HSF2: variants seen among roughly 807,000 people sequenced by gnomAD.
The protein encoded by HSF2 is heat shock factor protein 2.
Under a neutral mutation model 65.0 loss-of-function variants are expected in HSF2, and 21 were observed. The observed-to-expected ratio is 0.32, with a 90% CI of 0.23 to 0.47. The LOEUF is 0.47. Ranked by LOEUF, HSF2 falls within the 20% of genes least tolerant of loss-of-function variation. The probability of loss-of-function intolerance (pLI) is 1.00; values close to 1 mark genes in which losing one functional copy is unlikely to be tolerated. For synonymous variants in HSF2, 225 were observed against 219.1 expected (o/e 1.03, Z -0.24); for missense variants, 499 against 628.1 (o/e 0.79, Z 2.20).
rs1359832827 is a variant in HSF2 at position 122,412,826 on chromosome 6, T to C, written c.330+62T>C. Reference sequence around the variant, plus strand: ...ACCTGGAGTGTGCTTGGCCAAGATTTTTATTTCAGCTGTTGAAAGTACAGA... The same window carrying C: ...ACCTGGAGTGTGCTTGGCCAAGATTCTTATTTCAGCTGTTGAAAGTACAGA... On this transcript the variant is annotated intron_variant, in intron 3 of 12. Coordinates refer to ENST00000368455, the MANE Select transcript of HSF2 (RefSeq NM_004506.4). 19 of 1,501,826 alleles carry C rather than the reference T, an allele frequency of 1.3e-5. No individual in the cohort carries two copies. In the Admixed American group the frequency reaches 3.2e-4, roughly 25 times the overall value. The allele number at this position is 1,501,826 out of a possible 1,614,324, so 93.0% of individuals were successfully genotyped here.
chr6:122,420,700 CTTTTTTTTTTTTT>C (rs59305295), intron 7 of HSF2, among the ~76,000 whole-genome samples: 39 of 28,590 alleles, frequency 1.4e-3, no homozygotes, highest in African/African-American at 1.2e-3. Flanking sequence ...TTATTCATTT[CTTTTTTTTTTTTT>C]TTTTTTTTTT....
At chr6:122,401,923 A>G (rs1242240322) in intron 1 of HSF2, among the ~76,000 whole-genome samples, 1 of 152,184 alleles carries the variant, frequency 6.6e-6, no homozygotes, top group Non-Finnish European at 1.5e-5. Context: ...GCTCGCCAAG[A>G]TTGGAGATAA....
chr6:122,403,305 C>G (rs1773784561), intron 1 of HSF2, among the ~76,000 whole-genome samples: 1 of 152,156 alleles, frequency 6.6e-6, no homozygotes, highest in South Asian at 2.1e-4. Context: ...TCCAGACAGT[C>G]TTTAAGAAAG....
intron 4 of HSF2, 96 bp downstream of exon 4, chr6:122,413,745 A>G (rs1404630932): frequency 2.3e-5 from 23 of 1,012,170 alleles, no homozygotes; most frequent in Non-Finnish European, 3.3e-5. Flanking sequence ...TATTGTAAGT[A>G]CTCAGATCAC....
At chr6:122,425,089 C>T (rs1031409494) in intron 10 of HSF2, among the ~76,000 whole-genome samples, 2 of 151,916 alleles carry the variant, frequency 1.3e-5, no homozygotes, top group African/African-American at 4.8e-5. Context: ...CTCCTCTATC[C>T]TTAATCTTTC....
intron 6 of HSF2, 83 bp downstream of exon 6, chr6:122,419,312 C>G (rs1231316614): frequency 3.2e-6 from 2 of 631,422 alleles, no homozygotes; most frequent in South Asian, 2.0e-5. Flanking sequence ...CCTACACTTG[C>G]TGAGTATGTG....
At position 122,413,586 on chromosome 6, in the gene HSF2, G is replaced by A; in HGVS notation, c.392G>A (p.Ser131Asn). ...IRQEDLTKII[S>N]SAQKVQIKQE... The stretch of plus-strand genomic sequence containing the variant: ...CAGGAAGATTTAACAAAAATTATAA[G>A]TAGTGCTCAGAAGGTTCAGATAAAA... Residue 131 changes from serine to asparagine, a missense_variant, in exon 4 of 13, where the codon AGT (serine) becomes AAT (asparagine). This residue lies in a region of HSF2 where 150 missense variants were observed against 234.6 expected (regional missense o/e 0.64). Transcript: ENST00000368455. 1.3e-6 allele frequency: 2 copies of A among 1,597,964 alleles called. No homozygotes were observed. Among genetic ancestry groups the A allele is most frequent in the Non-Finnish European group, 8.6e-7 (1 of 1,165,882 alleles).
intron 1 of HSF2, among the ~76,000 whole-genome samples, chr6:122,401,471 G>A (rs911903659): frequency 6.6e-6 from 1 of 152,176 alleles, no homozygotes; most frequent in African/African-American, 2.4e-5. Flanking sequence ...AGAGTATCAT[G>A]TCAGTGGTAG....
rs1774021905 is a variant in HSF2, at chr6:122,412,462, T to C, written c.183T>C (p.Phe61=). 4 of 1,608,298 alleles carry C rather than the reference T, an allele frequency of 2.5e-6. No homozygotes were observed. In the South Asian group the frequency reaches 4.4e-5, roughly 18 times the overall value. The change falls in exon 2 of 13, where the codon TTT becomes TTC. Residue 61 remains phenylalanine (F), a synonymous_variant. Transcript: ENST00000368455. ...TCAAGCACAATAATATGGCAAGCTTTGTGAGGCAACTGAATATGTGTGAGT... is the reference window on the plus strand; with the variant it reads ...TCAAGCACAATAATATGGCAAGCTTCGTGAGGCAACTGAATATGTGTGAGT... The part of the protein sequence containing the change: ...KYFKHNNMAS[F]VRQLNMYGFR...
chr6:122,423,567 T>C lies in HSF2; in HGVS notation c.1071-14T>C. 1 of 1,487,722 alleles carries C rather than the reference T, an allele frequency of 6.7e-7. No individual in the cohort carries two copies. The highest frequency in any genetic ancestry group is 9.2e-7 in the Non-Finnish European group (1 of 1,092,182). The allele number at this position is 1,487,722 out of a possible 1,614,324, so 92.2% of individuals were successfully genotyped here. ...ATATCTAATATTTGATTAAAAAAATTTTTTTTTCCTTAGGGTTGAGCTGTT... is the reference window on the plus strand; with the variant it reads ...ATATCTAATATTTGATTAAAAAAATCTTTTTTTCCTTAGGGTTGAGCTGTT... On this transcript the variant is annotated splice_polypyrimidine_tract_variant and intron_variant, in intron 9 of 12. Coordinates refer to ENST00000368455, the MANE Select transcript of HSF2 (RefSeq NM_004506.4).
At chr6:122,402,803 C>T (rs566090580) in intron 1 of HSF2, among the ~76,000 whole-genome samples, 2 of 152,096 alleles carry the variant, frequency 1.3e-5, no homozygotes, top group African/African-American at 4.8e-5. Context: ...CCACCCGTCT[C>T]GGCCTCCCAA....
chr6:122,418,276 C>T (rs532422793), intron 5 of HSF2, among the ~76,000 whole-genome samples: 5 of 152,256 alleles, frequency 3.3e-5, no homozygotes, highest in African/African-American at 1.2e-4. Flanking sequence ...TCAAGACATA[C>T]TCTAAGCCAG....
Position 122,399,674 on chromosome 6 carries a change from A to AGCT in HSF2, c.-61_-59dup, listed in dbSNP as rs1554207214. On this transcript the variant is annotated 5_prime_UTR_variant, in exon 1 of 13. Transcript: ENST00000368455. ...GGCGTTCTCGGGGAGCTGCTGCCGTAGCTGCCGCCGCCGCTACCACCGCGT... is the reference window on the plus strand; with the variant it reads ...GGCGTTCTCGGGGAGCTGCTGCCGTAGCTGCTGCCGCCGCCGCTACCACCGCGT... 3.1e-5 allele frequency: 44 copies of AGCT among 1,399,814 alleles called. No homozygotes were observed. Among genetic ancestry groups the AGCT allele is most frequent in the South Asian group, 2.1e-4 (18 of 84,472 alleles). The allele number at this position is 1,399,814 out of a possible 1,614,324, so 86.7% of individuals were successfully genotyped here.
intron 1 of HSF2, among the ~76,000 whole-genome samples, chr6:122,408,229 C>T (rs1025075978): frequency 2.0e-5 from 3 of 151,864 alleles, no homozygotes; most frequent in African/African-American, 7.3e-5. Flanking sequence ...GTCTTAATTA[C>T]TGTAGCTTCA....
Position 122,409,762 on chromosome 6 carries a change from A to G in HSF2, c.94-2611A>G, listed in dbSNP as rs1773948472. ...AAGTAGAGGAGAGTAGAGATAGAGTAGGAAGCTAGCAGTCTCCATGGATAA... is the reference window on the plus strand; with the variant it reads ...AAGTAGAGGAGAGTAGAGATAGAGTGGGAAGCTAGCAGTCTCCATGGATAA... On this transcript the variant is annotated intron_variant, in intron 1 of 12. Transcript: ENST00000368455. 2.0e-5 allele frequency among the ~76,000 whole-genome samples: 3 copies of G among 152,014 alleles called. No individual in the cohort carries two copies. In the South Asian group the frequency reaches 6.2e-4, roughly 31 times the overall value.
chr6:122,414,814 A>G (rs966050540), intron 4 of HSF2, among the ~76,000 whole-genome samples: 10 of 152,096 alleles, frequency 6.6e-5, no homozygotes, highest in Non-Finnish European at 1.3e-4. Context: ...ATGGGGTTTC[A>G]CTGTGTTGGC....
intron 12 of HSF2, 142 bp downstream of exon 12, chr6:122,431,656 T>C: frequency 1.8e-6 from 1 of 544,976 alleles, no homozygotes; most frequent in Non-Finnish European, 3.2e-6. Flanking sequence ...ATAGAGAAAG[T>C]TGAATTGGTG....
chr6:122,407,393 A>T (rs1265441621), intron 1 of HSF2, among the ~76,000 whole-genome samples: 3 of 152,138 alleles, frequency 2.0e-5, no homozygotes, highest in South Asian at 2.1e-4. Flanking sequence ...CATGTATGAG[A>T]TTTTCTGTTA....
intron 10 of HSF2, among the ~76,000 whole-genome samples, chr6:122,423,985 C>T (rs1774291554): frequency 6.6e-6 from 1 of 152,000 alleles, no homozygotes; most frequent in African/African-American, 2.4e-5. Context: ...TTCTGTTTTG[C>T]TCTAGAATGA....
Sources: gnomAD v4.1 joint callset for allele counts (sites outside exome capture counted in the v4.1 genomes callset) on GRCh38, gnomAD v4.1.1 for gene constraint, gnomAD v4.1.1 regional missense constraint, MANE v1.5 for transcripts, NCBI Gene and HGNC (gene_info 2026-07-23, HGNC 2026-07-21) for gene names.